FSHR: variants seen among roughly 807,000 people sequenced by gnomAD.
FSHR encodes the protein follicle stimulating hormone receptor.
Under a neutral mutation model 52.1 loss-of-function variants are expected in FSHR, and 46 were observed. The observed-to-expected ratio is 0.88, with a 90% CI of 0.70 to 1.13. The LOEUF (loss-of-function observed/expected upper bound fraction) is 1.13, where lower values mean the gene tolerates loss of function less well. FSHR is among the 50% of genes most tolerant of loss of function. The pLI is 0.00. For synonymous variants in FSHR, 399 were observed against 309.6 expected, an observed-to-expected ratio of 1.29 and a Z score of -3.03; for missense variants, 964 against 834.6, an observed-to-expected ratio of 1.16 and a Z score of -1.91.
At chr2:49,107,630 T>C (rs1163588315) in intron 1 of FSHR, among the ~76,000 whole-genome samples, 1 of 152,184 alleles carries the variant, frequency 6.6e-6, no homozygotes, top group Non-Finnish European at 1.5e-5. Context: ...TTAATAGCCA[T>C]TACCTTTTAT....
At chr2:49,021,876 T>TAC (rs1667725407) in intron 2 of FSHR, among the ~76,000 whole-genome samples, 1 of 65,190 alleles carries the variant, frequency 1.5e-5, no homozygotes, top group Non-Finnish European at 2.8e-5. Context: ...TATATATATA[T>TAC]ATATATATAT....
chr2:48,964,179 T>C (rs1274868034), intron 9 of FSHR, among the ~76,000 whole-genome samples: 1 of 152,120 alleles, frequency 6.6e-6, no homozygotes, highest in Non-Finnish European at 1.5e-5. Flanking sequence ...TAGAGTTGGA[T>C]GGCTCACTGG....
intron 1 of FSHR, among the ~76,000 whole-genome samples, chr2:49,102,704 A>G (rs1671078399): frequency 6.6e-6 from 1 of 152,204 alleles, no homozygotes; most frequent in Non-Finnish European, 1.5e-5. Context: ...GGACATTGAA[A>G]TCTAGGATGA....
chr2:48,968,952 G>A (rs1024374407), intron 8 of FSHR, 69 bp from the exon 9 acceptor site: 3 of 1,358,228 alleles, frequency 2.2e-6, no homozygotes, highest in Non-Finnish European at 2.1e-6. Flanking sequence ...TGGTTAGCAG[G>A]CAAAATAGCA....
intron 4 of FSHR, among the ~76,000 whole-genome samples, chr2:49,002,493 G>A (rs956244019): frequency 1.3e-5 from 2 of 152,056 alleles, no homozygotes; most frequent in African/African-American, 4.8e-5. Flanking sequence ...GGCTGGGGAG[G>A]CCTCAGGAAA....
Position 48,962,544 on chromosome 2 carries a change from G to A in FSHR, c.*189C>T. The A allele has an allele frequency of 3.3e-6, 2 of 614,354 alleles. No homozygotes were observed. Among genetic ancestry groups the A allele is most frequent in the South Asian group, 3.9e-5 (2 of 51,210 alleles). 38.1% of individuals were successfully genotyped at this position (614,354 alleles called of 1,614,324 possible). The stretch of plus-strand genomic sequence containing the variant: ...ATTGCATTCTTTAATTATTATTGTT[G>A]TTACTAATAATTCAGCTTCCTAATG... On this transcript the variant is annotated 3_prime_UTR_variant, in exon 10 of 10. Transcript: ENST00000406846.
At chr2:48,987,853 C>CAT in intron 6 of FSHR, among the ~76,000 whole-genome samples, 1 of 151,854 alleles carries the variant, frequency 6.6e-6, no homozygotes, top group African/African-American at 2.4e-5. Context: ...CACACACACA[C>CAT]ACACACACAC....
chr2:49,144,344 C>G (rs1224959418), intron 1 of FSHR, among the ~76,000 whole-genome samples: 1 of 152,146 alleles, frequency 6.6e-6, no homozygotes, highest in Non-Finnish European at 1.5e-5. Flanking sequence ...CATCTGCTTC[C>G]AGAGCCACTT....
chr2:49,100,599 C>A (rs1209202737), intron 1 of FSHR, among the ~76,000 whole-genome samples: 3 of 152,182 alleles, frequency 2.0e-5, no homozygotes, highest in Non-Finnish European at 4.4e-5. Context: ...CAGCACCCAT[C>A]CTGTGGTCGT....
chr2:49,123,029 G>A (rs567385854), intron 1 of FSHR, among the ~76,000 whole-genome samples: 14 of 151,286 alleles, frequency 9.3e-5, no homozygotes, highest in Non-Finnish European at 1.3e-4. Context: ...ATCCTTCCTC[G>A]CCTCCTTCCT....
chr2:49,145,907 ATAG>A (rs1295452915), intron 1 of FSHR, among the ~76,000 whole-genome samples: 2 of 152,100 alleles, frequency 1.3e-5, no homozygotes, highest in Non-Finnish European at 2.9e-5. Flanking sequence ...GCTGGAGAAA[ATAG>A]TAGTACTTGA....
intron 2 of FSHR, among the ~76,000 whole-genome samples, chr2:49,052,209 T>A (rs1668886188): frequency 6.6e-6 from 1 of 152,128 alleles, no homozygotes; most frequent in Non-Finnish European, 1.5e-5. Context: ...AACACCCCAT[T>A]TAATCCCAAT....
In FSHR at chr2:49,096,756, G is replaced by A. The variant is rs369514434; in HGVS notation, c.153-28466C>T. Among the ~76,000 whole-genome samples the A allele has an allele frequency of 5.8e-4, 88 of 152,282 alleles. 4 individuals are homozygous for A. The South Asian group carries it at 0.017, about 30-fold the overall frequency. ...TCCCCAGTATTGGAGATGGGGCCTG[G>A]TGGGAGGTACCTGGATCACTGGTGA... On this transcript the variant is annotated intron_variant, in intron 1 of 9. Transcript: ENST00000406846.
chr2:49,143,199 A>G (rs951144517), intron 1 of FSHR, among the ~76,000 whole-genome samples: 1 of 152,194 alleles, frequency 6.6e-6, no homozygotes. Context: ...AGAAGTCAGC[A>G]GAGGAGATCA....
chr2:49,109,876 CTAAGAAATCAAGACAAATCTG>C (rs1671362751), intron 1 of FSHR, among the ~76,000 whole-genome samples: 1 of 152,060 alleles, frequency 6.6e-6, no homozygotes, highest in South Asian at 2.1e-4. Context: ...CTTTCCACTT[CTAAGAAATCAAGACAAATCTG>C]TTTTGATGGG....
At chr2:49,057,078 A>G (rs1669091326) in intron 2 of FSHR, among the ~76,000 whole-genome samples, 1 of 152,052 alleles carries the variant, frequency 6.6e-6, no homozygotes. Context: ...CCAGCCTCAA[A>G]TAAACCAATT....
chr2:49,072,880 A>G (rs1186862925), intron 1 of FSHR, among the ~76,000 whole-genome samples: 2 of 152,182 alleles, frequency 1.3e-5, no homozygotes, highest in South Asian at 2.1e-4. Flanking sequence ...TTTACCACTT[A>G]ACATTGTAAA....
intron 1 of FSHR, among the ~76,000 whole-genome samples, chr2:49,080,461 A>G (rs746902026): frequency 2.0e-5 from 3 of 152,198 alleles, no homozygotes; most frequent in African/African-American, 7.2e-5. Context: ...GAACATAAAT[A>G]CAATTAATGC....
At chr2:49,143,545 T>A (rs1276043258) in intron 1 of FSHR, among the ~76,000 whole-genome samples, 1 of 152,114 alleles carries the variant, frequency 6.6e-6, no homozygotes, top group African/African-American at 2.4e-5. Context: ...AATTCCTGGG[T>A]AGAAATGGCA....
Sources: gnomAD v4.1 joint callset for allele counts (sites outside exome capture counted in the v4.1 genomes callset) on GRCh38, gnomAD v4.1.1 for gene constraint, MANE v1.5 for transcripts, NCBI Gene and HGNC (gene_info 2026-07-23, HGNC 2026-07-21) for gene names.